Variants in SRRM4 observed in about 807,000 individuals in gnomAD.
The protein encoded by SRRM4 is serine/arginine repetitive matrix 4, also known as serine/arginine repetitive matrix protein 4.
A neutral mutation model predicts 68.9 loss-of-function variants in SRRM4; 33 were observed. The ratio of observed to expected loss-of-function variants is 0.48; its 90% confidence interval spans 0.36 to 0.64. The LOEUF (loss-of-function observed/expected upper bound fraction) is 0.64. Ranked by LOEUF, SRRM4 falls within the 30% of genes least tolerant of loss-of-function variation. The pLI, the probability that SRRM4 is intolerant of heterozygous loss-of-function variation, is 0.00. For synonymous variants in SRRM4, 318 were observed against 318.8 expected (o/e 1.00, Z 0.03); for missense variants, 817 against 827.1 (o/e 0.99, Z 0.15).
intron 1 of SRRM4, among the ~76,000 whole-genome samples, chr12:119,009,415 C>T (rs2135996695): frequency 6.6e-6 from 1 of 152,298 alleles, no homozygotes; most frequent in South Asian, 2.1e-4. Flanking sequence ...CACTCAGGGG[C>T]TGAAGACAAG....
chr12:119,015,660 C>G (rs1036722246), intron 1 of SRRM4, among the ~76,000 whole-genome samples: 1 of 151,870 alleles, frequency 6.6e-6, no homozygotes, highest in African/African-American at 2.4e-5. Flanking sequence ...TGTATAGATG[C>G]ATCATTTATT....
intron 1 of SRRM4, among the ~76,000 whole-genome samples, chr12:119,099,101 T>C (rs147976926): frequency 1.6e-4 from 25 of 152,168 alleles, no homozygotes; most frequent in Non-Finnish European, 3.2e-4. Flanking sequence ...CTCTTGCCAC[T>C]CTAGCCCTTG....
At chr12:119,074,314 A>C (rs1953895830) in intron 1 of SRRM4, among the ~76,000 whole-genome samples, 1 of 152,170 alleles carries the variant, frequency 6.6e-6, no homozygotes, top group Admixed American at 6.5e-5. Context: ...TCCAAATAAT[A>C]GATGTTCTTT....
At chr12:118,994,099 G>C (rs557012124) in intron 1 of SRRM4, 1 of 152,224 alleles carries the variant, frequency 6.6e-6, no homozygotes, top group South Asian at 2.1e-4. Flanking sequence ...TCAGTAGTGG[G>C]ATCGCGCCTG....
chr12:119,027,178 G>C (rs992018732), intron 1 of SRRM4, among the ~76,000 whole-genome samples: 7 of 152,282 alleles, frequency 4.6e-5, no homozygotes, highest in African/African-American at 1.7e-4. Flanking sequence ...ATGACATCAT[G>C]GAGCACCAAC....
chr12:119,105,745 T>C (rs1341559301), intron 2 of SRRM4, among the ~76,000 whole-genome samples: 1 of 152,194 alleles, frequency 6.6e-6, no homozygotes, highest in East Asian at 1.9e-4. Context: ...AGGTAGATTG[T>C]AAAAATTTTC....
chr12:119,033,683 T>C (rs1953608156), intron 1 of SRRM4, among the ~76,000 whole-genome samples: 1 of 152,112 alleles, frequency 6.6e-6, no homozygotes, highest in African/African-American at 2.4e-5. Context: ...AAAAATACTT[T>C]TCTCACCTTT....
In SRRM4 at chr12:118,981,688, G is replaced by T. The variant is rs1348274905; in HGVS notation, c.-195G>T. The T allele has an allele frequency of 3.3e-6, 2 of 604,994 alleles. No individual in the cohort carries two copies. Among genetic ancestry groups the T allele is most frequent in the Admixed American group, 3.3e-5 (1 of 30,454 alleles). 37.5% of individuals were successfully genotyped at this position (604,994 alleles called of 1,614,324 possible). A position where few individuals can be genotyped will look rare whatever the true frequency, so the allele number is the denominator to read the frequency against. On this transcript the variant is annotated 5_prime_UTR_variant, in exon 1 of 13. Transcript: ENST00000267260. ...CCCAGAAGGGCGAAGAAAGCCCAGC[G>T]GACGAGCCTCCTTTCTCTGCTGCCT... is the stretch of plus-strand genomic sequence containing the variant.
At chr12:119,111,960 C>T (rs4766928) in intron 2 of SRRM4, among the ~76,000 whole-genome samples, 11,649 of 151,782 alleles carry the variant, frequency 0.077, 498 homozygotes, top group Admixed American at 0.1. Flanking sequence ...GCAGGAGAAT[C>T]GCTTGAACCC....
intron 12 of SRRM4, among the ~76,000 whole-genome samples, chr12:119,156,205 A>C (rs1954470179): frequency 6.6e-6 from 1 of 152,232 alleles, no homozygotes; most frequent in Non-Finnish European, 1.5e-5. Flanking sequence ...CAAAACTATG[A>C]TTAAAGTTTA....
At chr12:119,040,182 C>A (rs1434174956) in intron 1 of SRRM4, among the ~76,000 whole-genome samples, 2 of 151,356 alleles carry the variant, frequency 1.3e-5, no homozygotes, top group East Asian at 1.9e-4. Flanking sequence ...TAGCAGCTAC[C>A]TTTTATTTTA....
chr12:119,137,302 T>G (rs1324250722), intron 8 of SRRM4, among the ~76,000 whole-genome samples: 1 of 152,232 alleles, frequency 6.6e-6, no homozygotes, highest in Non-Finnish European at 1.5e-5. Flanking sequence ...ATTGTATTTT[T>G]GTATCCTATT....
At chr12:119,034,439 A>G (rs768098420) in intron 1 of SRRM4, among the ~76,000 whole-genome samples, 44 of 152,260 alleles carry the variant, frequency 2.9e-4, no homozygotes, top group Middle Eastern at 3.4e-3. Context: ...CAGTTGCAGA[A>G]TTTCTAAGTT....
At chr12:119,122,241 T>C (rs1592906660) in intron 6 of SRRM4, 121 bp downstream of exon 6, 1 of 497,852 alleles carries the variant, frequency 2.0e-6, no homozygotes, top group African/African-American at 2.7e-5. Context: ...GGTGAGCGGG[T>C]GAAAGGAAGG....
intron 1 of SRRM4, among the ~76,000 whole-genome samples, chr12:119,063,173 C>A (rs895720766): frequency 2.0e-5 from 3 of 152,258 alleles, no homozygotes; most frequent in South Asian, 4.1e-4. Context: ...CAAAGATGAA[C>A]AAGCCACAGT....
intron 1 of SRRM4, among the ~76,000 whole-genome samples, chr12:119,063,905 A>G (rs1316560548): frequency 2.0e-5 from 3 of 152,218 alleles, no homozygotes; most frequent in Admixed American, 6.5e-5. Flanking sequence ...GGAGCCTCTC[A>G]TCTCCATTCC....
At chr12:119,008,060 C>T (rs998441816) in intron 1 of SRRM4, among the ~76,000 whole-genome samples, 13 of 152,270 alleles carry the variant, frequency 8.5e-5, no homozygotes, top group African/African-American at 2.9e-4. Context: ...GGGTGCTCAG[C>T]GGTGAGGCTA....
intron 1 of SRRM4, among the ~76,000 whole-genome samples, chr12:119,018,330 T>C (rs1321256217): frequency 1.3e-5 from 2 of 152,214 alleles, no homozygotes; most frequent in Admixed American, 6.5e-5. Flanking sequence ...TGCTATTTCA[T>C]GGATTCCTTG....
rs868693998 is a variant in SRRM4, at chr12:119,044,871, G to T, written c.132-57365G>T. Among the ~76,000 whole-genome samples, 5 of 152,254 alleles carry T rather than the reference G, an allele frequency of 3.3e-5. No homozygotes were observed. In the South Asian group the frequency reaches 6.2e-4, roughly 19 times the overall value. On this transcript the variant is annotated intron_variant, in intron 1 of 12. Coordinates refer to ENST00000267260, the MANE Select transcript of SRRM4 (RefSeq NM_194286.4). ...TTGAGAAGGGCAATGGGGGCATAGTGGGTATGAATGTGAACTCTATGCATC... is the reference window on the plus strand; with the variant it reads ...TTGAGAAGGGCAATGGGGGCATAGTTGGTATGAATGTGAACTCTATGCATC...
Sources: allele counts gnomAD v4.1 joint callset (sites outside exome capture counted in the v4.1 genomes callset), GRCh38; gene constraint gnomAD v4.1.1; transcripts MANE v1.5; gene names NCBI Gene and HGNC (gene_info 2026-07-23, HGNC 2026-07-21).